The following ACOT2 variants were observed in gnomAD, a reference collection of about 807,000 sequenced individuals.
The protein encoded by ACOT2 is acyl-CoA thioesterase 2.
In ACOT2, 15 loss-of-function variants were observed where a neutral mutation model predicts 20.1. The ratio of observed to expected loss-of-function variants is 0.75; its 90% CI spans 0.50 to 1.15. The LOEUF (loss-of-function observed/expected upper bound fraction) is 1.15, where lower values mean the gene tolerates loss of function less well. ACOT2 is among the 50% of genes most tolerant of loss of function. The pLI is 0.00. For missense variants in ACOT2, 479 were observed against 615.3 expected, an observed-to-expected ratio of 0.78 and a Z score of 2.34; for synonymous variants, 252 against 268.4, an observed-to-expected ratio of 0.94 and a Z score of 0.60.
At chr14:73,571,179 CCT>C (rs200346142) in intron 1 of ACOT2, 3,598 of 152,172 alleles carry the variant, frequency 0.024, 137 homozygotes, top group African/African-American at 0.081. Flanking sequence ...CTATGATCTC[CCT>C]GTTACCATTC....
In ACOT2 at chr14:73,575,577, T is replaced by A; in HGVS notation, c.*64T>A. 6.4e-7 allele frequency: 1 copy of A among 1,552,198 alleles called. No individual in the cohort carries two copies. The highest frequency in any genetic ancestry group is 2.3e-5 in the East Asian group (1 of 44,130). Reference sequence around the variant, plus strand: ...TCCTGGAAACATCTGCCACATTTAGTGTGTGTATGTGTATTCATTCTTTTG... The same window carrying A: ...TCCTGGAAACATCTGCCACATTTAGAGTGTGTATGTGTATTCATTCTTTTG... On this transcript the variant is annotated 3_prime_UTR_variant, in exon 3 of 3. Transcript: ENST00000238651.
At chr14:73,568,859 A>C (rs1889649979), upstream of ACOT2, among the ~76,000 whole-genome samples, 1 of 152,082 alleles carries the variant, frequency 6.6e-6, no homozygotes, top group African/African-American at 2.4e-5. Flanking sequence ...ACACAAAAGC[A>C]AAACACCATG....
At position 73,569,578 on chromosome 14, in the gene ACOT2, G is replaced by A. The variant is rs1264121786; in HGVS notation, c.338G>A (p.Arg113His). Residue 113 changes from arginine (R) to histidine (H), a missense_variant, in exon 1 of 3, where the codon CGC becomes CAC. Arg to His is a conservative substitution (Grantham distance 29, BLOSUM62 0). Coordinates refer to ENST00000238651, the MANE Select transcript of ACOT2 (RefSeq NM_006821.6). The stretch of plus-strand genomic sequence containing the variant: ...GGCGCGCTTTTCCAGGCCCACGCGC[G>A]CTACCGCGCCGACACTCTTGGCGAG... ...EKGALFQAHARYRADTLGELD... is the reference protein window; with the variant it reads ...EKGALFQAHAHYRADTLGELD... The A allele has an allele frequency of 5.0e-6, 8 of 1,599,824 alleles. 1 individual carries two copies. The highest frequency in any genetic ancestry group is 6.8e-6 in the Non-Finnish European group (8 of 1,175,172).
Position 73,574,897 on chromosome 14 carries a change from C to G in ACOT2, c.847-11C>G, listed in dbSNP as rs1380825464. 1 of 1,612,988 alleles carries G rather than the reference C, an allele frequency of 6.2e-7. No homozygotes were observed. Among genetic ancestry groups the G allele is most frequent in the African/African-American group, 1.3e-5 (1 of 74,780 alleles). ...ATCATTCTTCTTCTTTTTCCTTTGT[C>G]CCTTTCTCAGGTAAAAGGTCCAGGA... On this transcript the variant is annotated splice_polypyrimidine_tract_variant and intron_variant, in intron 2 of 2. Transcript: ENST00000238651.
intron 2 of ACOT2, among the ~76,000 whole-genome samples, chr14:73,574,672 GAGA>G (rs1889842949): frequency 6.6e-6 from 1 of 152,022 alleles, no homozygotes; most frequent in South Asian, 2.1e-4. Context: ...TTAAGGAACT[GAGA>G]AACCAGAGAA....
intron 1 of ACOT2, among the ~76,000 whole-genome samples, chr14:73,572,814 T>C (rs1889791431): frequency 6.7e-6 from 1 of 149,036 alleles, no homozygotes; most frequent in South Asian, 2.2e-4. Context: ...CCCAGCTAAT[T>C]TTTGTATTTT....
intron 1 of ACOT2, 32 bp from the exon 2 acceptor site, chr14:73,573,356 T>C: frequency 6.2e-7 from 1 of 1,613,204 alleles, no homozygotes; most frequent in African/African-American, 1.3e-5. Flanking sequence ...AGGAATAGCT[T>C]AGTTTTGCAT....
rs542329273 is a variant in ACOT2, at chr14:73,573,790, G to C, written c.846+200G>C. On this transcript the variant is annotated intron_variant, in intron 2 of 2. Transcript: ENST00000238651. ...TTGCCAGGCTGGAGTCCAGTGGTGC[G>C]ATCTTGGCTCACTGCAACCTCCACC... Among the ~76,000 whole-genome samples the C allele has an allele frequency of 4.0e-5, 6 of 151,864 alleles. No homozygotes were observed. The South Asian group carries it at 1.0e-3, about 26-fold the overall frequency.
upstream of ACOT2, among the ~76,000 whole-genome samples, chr14:73,568,701 CAA>C (rs1159288586): frequency 6.6e-6 from 1 of 151,966 alleles, no homozygotes; most frequent in South Asian, 2.1e-4. Context: ...GGGCGGATTA[CAA>C]AGTCAGGAGT....
chr14:73,569,861 A>C lies in ACOT2; in HGVS notation c.621A>C (p.Arg207=). Residue 207 remains arginine, a synonymous_variant, in exon 1 of 3, where the codon CGA becomes CGC. Transcript: ENST00000238651. ...RREPVRVGRV[R]GTLFLPPEPG... ...AGCCGGTGCGCGTGGGCCGGGTGCG[A>C]GGCACGCTCTTCCTGCCGCCAGGTG... is the stretch of plus-strand genomic sequence containing the variant. The C allele has an allele frequency of 1.2e-6, 2 of 1,605,072 alleles. No individual in the cohort carries two copies. Among genetic ancestry groups the C allele is most frequent in the Non-Finnish European group, 1.7e-6 (2 of 1,176,310 alleles).
At chr14:73,570,341 G>A (rs1162278441) in intron 1 of ACOT2, among the ~76,000 whole-genome samples, 3 of 151,752 alleles carry the variant, frequency 2.0e-5, no homozygotes, top group Non-Finnish European at 4.4e-5. Context: ...AAGTCTCGGC[G>A]GGCAGATCAC....
At chr14:73,568,252 G>A (rs2140328648), upstream of ACOT2, 1 of 152,096 alleles carries the variant, frequency 6.6e-6, no homozygotes, top group South Asian at 2.1e-4. Flanking sequence ...CAGGTTTTGT[G>A]GGTTTGAAGC....
intron 1 of ACOT2, chr14:73,571,081 G>A (rs1889734538): frequency 6.6e-6 from 1 of 151,378 alleles, no homozygotes; most frequent in South Asian, 2.1e-4. Flanking sequence ...AGAGGTTTTG[G>A]TGCCTGCCCG....
At position 73,569,758 on chromosome 14, in the gene ACOT2, G is replaced by T. The variant is rs1208128204; in HGVS notation, c.518G>T (p.Gly173Val). 7 of 1,608,658 alleles carry T rather than the reference G, an allele frequency of 4.4e-6. No individual in the cohort carries two copies. The highest frequency in any genetic ancestry group is 5.9e-6 in the Non-Finnish European group (7 of 1,178,564). Residue 173 changes from glycine to valine, a missense_variant, in exon 1 of 3, where the codon GGC becomes GTC. Coordinates refer to ENST00000238651, the MANE Select transcript of ACOT2 (RefSeq NM_006821.6). ...GCCGTGGAGCTGGAGGTGCTGGATG[G>T]CCACGACCCCGACCCCGGGCGGCTG... ...PLAVELEVLDGHDPDPGRLLC... is the reference protein window; with the variant it reads ...PLAVELEVLDVHDPDPGRLLC...
In ACOT2 at chr14:73,569,700, C is replaced by A. The variant is rs1348108993; in HGVS notation, c.460C>A (p.Arg154=). 6.2e-7 allele frequency: 1 copy of A among 1,609,520 alleles called. No individual in the cohort carries two copies. The highest frequency in any genetic ancestry group is 1.1e-5 in the South Asian group (1 of 90,864). The part of the protein sequence containing the change: ...WALEPEKPLV[R]LVKRDVRTPL... ...CTTGGAGCCCGAGAAACCTTTGGTG[C>A]GGCTGGTGAAGCGCGACGTGCGAAC... is the stretch of plus-strand genomic sequence containing the variant. Residue 154 remains arginine, a synonymous_variant, in exon 1 of 3, where the codon CGG becomes AGG. Transcript: ENST00000238651.
intron 1 of ACOT2, among the ~76,000 whole-genome samples, chr14:73,570,145 G>A (rs1409282075): frequency 6.7e-6 from 1 of 150,226 alleles, no homozygotes; most frequent in Non-Finnish European, 1.5e-5. Context: ...CTTTTCACAC[G>A]AAGAAGGGAT....
chr14:73,572,412 A>AAC (rs142973697), intron 1 of ACOT2, among the ~76,000 whole-genome samples: 21,656 of 151,926 alleles, frequency 0.14, 2,322 homozygotes, highest in Non-Finnish European at 0.22. Context: ...ACCCTAGGAG[A>AAC]ACACATTCAG....
intron 1 of ACOT2, among the ~76,000 whole-genome samples, chr14:73,570,986 T>G (rs1362965635): frequency 6.8e-6 from 1 of 146,178 alleles, no homozygotes. Flanking sequence ...CTTTTTTTTT[T>G]TTTTAAATAA....
In ACOT2 at chr14:73,569,414, G is replaced by C. The variant is rs201191880; in HGVS notation, c.174G>C (p.Arg58Ser). The C allele has an allele frequency of 1.2e-6, 2 of 1,613,866 alleles. No homozygotes were observed. The highest frequency in any genetic ancestry group is 3.3e-5 in the Admixed American group (2 of 60,010). ...PQLRQVGQII[R>S]VPARMAATLI... ...TGAGGCAGGTTGGTCAGATCATTAG[G>C]GTTCCTGCTCGGATGGCGGCGACGC... Residue 58 changes from arginine to serine, a missense_variant, in exon 1 of 3, where the codon AGG (arginine) becomes AGC (serine). Physicochemically the swap from Arg to Ser is moderately radical, Grantham distance 110. This residue lies in a region of ACOT2 where 400 missense variants were observed against 395.5 expected (regional missense o/e 1.01). Transcript: ENST00000238651.
Sources: gnomAD v4.1 joint callset for allele counts (sites outside exome capture counted in the v4.1 genomes callset) on GRCh38, gnomAD v4.1.1 for gene constraint, gnomAD v4.1.1 regional missense constraint, MANE v1.5 for transcripts, NCBI Gene and HGNC (gene_info 2026-07-23, HGNC 2026-07-21) for gene names.